RBFOX1: variants seen among roughly 807,000 people sequenced by gnomAD.
RBFOX1 encodes the protein RNA binding protein fox-1 homolog 1.
Under a neutral mutation model 57.7 loss-of-function variants are expected in RBFOX1, and 8 were observed. The ratio of observed to expected loss-of-function variants is 0.14; its 90% CI spans 0.08 to 0.25. RBFOX1 has a LOEUF of 0.25. Among genes scored for constraint, RBFOX1 ranks in the 10% least tolerant of loss-of-function variants. The probability of loss-of-function intolerance (pLI) is 1.00; values close to 1 mark genes in which losing one functional copy is unlikely to be tolerated. For missense variants in RBFOX1, 611 were observed against 548.5 expected (o/e 1.11, Z -1.14); for synonymous variants, 326 against 222.4 (o/e 1.47, Z -4.15).
chr16:5,751,562 C>T (rs1422881754), intron 3 of RBFOX1, among the ~76,000 whole-genome samples: 1 of 152,078 alleles, frequency 6.6e-6, no homozygotes, highest in South Asian at 2.1e-4. Flanking sequence ...AGGATGAACT[C>T]TAGGAATCAG....
At chr16:5,373,248 C>A (rs1341056839) in intron 1 of RBFOX1, among the ~76,000 whole-genome samples, 2 of 152,036 alleles carry the variant, frequency 1.3e-5, no homozygotes. Flanking sequence ...AAGATATGGA[C>A]CCCAATTTTA....
intron 11 of RBFOX1, among the ~76,000 whole-genome samples, chr16:7,640,960 G>A (rs1195424242): frequency 6.6e-6 from 1 of 151,706 alleles, no homozygotes; most frequent in Non-Finnish European, 1.5e-5. Context: ...GTAAGTTGCA[G>A]GGGCCAACGG....
intron 4 of RBFOX1, among the ~76,000 whole-genome samples, chr16:7,239,177 T>A (rs2093931279): frequency 2.0e-5 from 3 of 152,294 alleles, no homozygotes; most frequent in South Asian, 4.1e-4. Context: ...ATGATGAGGC[T>A]ACTTCTACCA....
intron 3 of RBFOX1, among the ~76,000 whole-genome samples, chr16:6,885,625 G>C (rs964593289): frequency 6.6e-6 from 1 of 151,896 alleles, no homozygotes; most frequent in East Asian, 1.9e-4. Flanking sequence ...TCTGCCTCCT[G>C]AGTTCAAGTG....
At chr16:6,865,931 A>G (rs1015794384) in intron 3 of RBFOX1, among the ~76,000 whole-genome samples, 1 of 152,126 alleles carries the variant, frequency 6.6e-6, no homozygotes, top group African/African-American at 2.4e-5. Flanking sequence ...AAGCCACCTC[A>G]TTTGGTTCTT....
chr16:7,468,280 C>T (rs558168433), intron 4 of RBFOX1, among the ~76,000 whole-genome samples: 9 of 152,284 alleles, frequency 5.9e-5, no homozygotes, highest in African/African-American at 1.4e-4. Flanking sequence ...AGAGTGTATG[C>T]TCTGGCACCT....
At chr16:5,611,004 T>A (rs1229429551) in intron 3 of RBFOX1, among the ~76,000 whole-genome samples, 1 of 152,250 alleles carries the variant, frequency 6.6e-6, no homozygotes, top group African/African-American at 2.4e-5. Flanking sequence ...CAGAGCATCC[T>A]ACGATGTGGC....
chr16:5,348,373 C>G (rs894390287), intron 1 of RBFOX1, among the ~76,000 whole-genome samples: 4 of 152,172 alleles, frequency 2.6e-5, no homozygotes, highest in African/African-American at 9.7e-5. Context: ...AACAAAAACT[C>G]ACTACATACT....
chr16:6,565,126 CA>C (rs34624731), intron 2 of RBFOX1, among the ~76,000 whole-genome samples: 40,927 of 98,190 alleles, frequency 0.42, 4,819 homozygotes, highest in South Asian at 0.57. Context: ...ACTCTGTCTC[CA>C]AAAAAAAAAA....
At chr16:6,393,456 A>G (rs1211573596) in intron 2 of RBFOX1, among the ~76,000 whole-genome samples, 2 of 152,186 alleles carry the variant, frequency 1.3e-5, no homozygotes, top group East Asian at 1.9e-4. Flanking sequence ...CAGTCCCTAT[A>G]AAAAGGGACC....
intron 1 of RBFOX1, among the ~76,000 whole-genome samples, chr16:5,343,362 T>C (rs1361006972): frequency 1.4e-5 from 2 of 146,694 alleles, no homozygotes; most frequent in East Asian, 4.2e-4. Context: ...TTGCCCAGGC[T>C]GGAGTACAGT....
intron 1 of RBFOX1, among the ~76,000 whole-genome samples, chr16:6,203,638 C>T (rs1310325886): frequency 6.6e-6 from 1 of 152,116 alleles, no homozygotes; most frequent in Non-Finnish European, 1.5e-5. Context: ...CAGGAGGTCA[C>T]CGCACACTTA....
intron 3 of RBFOX1, among the ~76,000 whole-genome samples, chr16:6,833,583 C>T (rs555275596): frequency 6.6e-6 from 1 of 152,202 alleles, no homozygotes; most frequent in African/African-American, 2.4e-5. Context: ...CTCCACTGCA[C>T]TTATACACCT....
intron 3 of RBFOX1, among the ~76,000 whole-genome samples, chr16:5,681,724 A>C (rs1004261326): frequency 6.6e-6 from 1 of 152,122 alleles, no homozygotes; most frequent in African/African-American, 2.4e-5. Flanking sequence ...TGTAGGATAA[A>C]ATTGACGTAA....
At chr16:5,730,970 C>A (rs112684963) in intron 3 of RBFOX1, among the ~76,000 whole-genome samples, 1 of 148,462 alleles carries the variant, frequency 6.7e-6, no homozygotes, top group African/African-American at 2.4e-5. Context: ...CCGTCATCAT[C>A]GTTACCGTCA....
chr16:6,217,599 C>G (rs770863527), intron 1 of RBFOX1, among the ~76,000 whole-genome samples: 27 of 152,350 alleles, frequency 1.8e-4, no homozygotes, highest in Admixed American at 1.7e-3. Flanking sequence ...GGTGTACCCA[C>G]ATCGTGGTGC....
intron 12 of RBFOX1, among the ~76,000 whole-genome samples, chr16:7,662,822 G>A (rs1169648242): frequency 6.6e-6 from 1 of 152,228 alleles, no homozygotes; most frequent in Non-Finnish European, 1.5e-5. Flanking sequence ...TCTTGAGGTA[G>A]GCACTTACCT....
intron 2 of RBFOX1, among the ~76,000 whole-genome samples, chr16:6,399,605 G>C (rs775806668): frequency 8.5e-5 from 13 of 152,100 alleles, no homozygotes; most frequent in Non-Finnish European, 1.8e-4. Context: ...CTGTCTTCTT[G>C]TGAGCCCTCC....
intron 4 of RBFOX1, among the ~76,000 whole-genome samples, chr16:7,492,678 G>A (rs1159817813): frequency 6.6e-6 from 1 of 152,166 alleles, no homozygotes; most frequent in Non-Finnish European, 1.5e-5. Flanking sequence ...TTTTTTATGA[G>A]TGGTTTAGTG....
Sources: gnomAD v4.1 joint callset for allele counts (sites outside exome capture counted in the v4.1 genomes callset) on GRCh38, gnomAD v4.1.1 for gene constraint, MANE v1.5 for transcripts, NCBI Gene and HGNC (gene_info 2026-07-23, HGNC 2026-07-21) for gene names.